PDE3A: variants seen among roughly 807,000 people sequenced by gnomAD.
PDE3A encodes the protein cGMP-inhibited 3',5'-cyclic phosphodiesterase 3A.
In PDE3A, 43 loss-of-function variants were observed where a neutral mutation model predicts 98.3. The ratio of observed to expected loss-of-function variants is 0.44; its 90% CI spans 0.34 to 0.56. The LOEUF (loss-of-function observed/expected upper bound fraction) is 0.56, where lower values mean the gene tolerates loss of function less well. Among genes scored for constraint, PDE3A ranks in the 20% least tolerant of loss-of-function variants. The pLI is 0.01. For synonymous variants in PDE3A, 663 were observed against 567.9 expected (o/e 1.17, Z -2.38); for missense variants, 1,427 against 1,440.7 (o/e 0.99, Z 0.15).
intron 1 of PDE3A, among the ~76,000 whole-genome samples, chr12:20,481,103 CT>C (rs1356260316): frequency 3.3e-5 from 5 of 152,096 alleles, no homozygotes; most frequent in Non-Finnish European, 7.4e-5. Context: ...GTTGTTGTTT[CT>C]ATGAAAACTT....
intron 1 of PDE3A, among the ~76,000 whole-genome samples, chr12:20,427,030 G>A (rs1034005596): frequency 6.6e-6 from 1 of 152,158 alleles, no homozygotes; most frequent in Admixed American, 6.5e-5. Flanking sequence ...ATTCAGTCTA[G>A]TTTTGAAATC....
At chr12:20,636,816 T>C (rs1402700480) in intron 8 of PDE3A, among the ~76,000 whole-genome samples, 1 of 152,206 alleles carries the variant, frequency 6.6e-6, no homozygotes, top group African/African-American at 2.4e-5. Context: ...TACTAACTTA[T>C]AGAAGAAACA....
chr12:20,431,827 A>T (rs1304077572), intron 1 of PDE3A, among the ~76,000 whole-genome samples: 1 of 152,230 alleles, frequency 6.6e-6, no homozygotes, highest in Non-Finnish European at 1.5e-5. Context: ...CTTTTGAAAG[A>T]AAATAGGTTC....
At chr12:20,476,302 A>C (rs1945530073) in intron 1 of PDE3A, among the ~76,000 whole-genome samples, 3 of 152,234 alleles carry the variant, frequency 2.0e-5, no homozygotes, top group Admixed American at 2.0e-4. Flanking sequence ...ATCTATGCCA[A>C]GTGGCAAAAA....
Position 20,519,100 on chromosome 12 carries a change from G to A in PDE3A, c.961-37560G>A, listed in dbSNP as rs113527618. Among the ~76,000 whole-genome samples, 414 of 152,274 alleles carry A rather than the reference G, an allele frequency of 2.7e-3. 6 individuals are homozygous for A. The highest frequency in any genetic ancestry group is 0.01 in the Middle Eastern group (3 of 294). On this transcript the variant is annotated intron_variant, in intron 1 of 15. Coordinates refer to ENST00000359062, the MANE Select transcript of PDE3A (RefSeq NM_000921.5). ...AGGAAGTATATGATTATGTAGTGTT[G>A]TAGTTTATGTGACTAAATGTGGCTC...
chr12:20,551,276 T>C (rs1344050733), intron 1 of PDE3A, among the ~76,000 whole-genome samples: 1 of 152,108 alleles, frequency 6.6e-6, no homozygotes, highest in Non-Finnish European at 1.5e-5. Flanking sequence ...GTAAGAACCC[T>C]TGATATCTTG....
chr12:20,615,723 GTATTTATT>G (rs150924685), intron 3 of PDE3A, among the ~76,000 whole-genome samples: 2,198 of 151,962 alleles, frequency 0.014, 67 homozygotes, highest in African/African-American at 0.049. Context: ...GGTTGGTTAT[GTATTTATT>G]TATTTATTTA....
At chr12:20,575,951 C>T (rs926559132) in intron 2 of PDE3A, among the ~76,000 whole-genome samples, 4 of 151,790 alleles carry the variant, frequency 2.6e-5, no homozygotes, top group African/African-American at 4.8e-5. Flanking sequence ...ACACAAAGAA[C>T]TTACACCTAA....
chr12:20,637,550 C>T (rs115226715), intron 9 of PDE3A, among the ~76,000 whole-genome samples: 1,681 of 152,132 alleles, frequency 0.011, 31 homozygotes, highest in African/African-American at 0.037. Flanking sequence ...CTGACACAAG[C>T]CTCTAAAAGA....
At chr12:20,376,556 C>T (rs554214651) in intron 1 of PDE3A, among the ~76,000 whole-genome samples, 12 of 152,042 alleles carry the variant, frequency 7.9e-5, no homozygotes, top group South Asian at 4.1e-4. Flanking sequence ...ATCAGTTGCA[C>T]TGAAAAGTCT....
chr12:20,416,816 C>T (rs1337017256), intron 1 of PDE3A, among the ~76,000 whole-genome samples: 1 of 152,132 alleles, frequency 6.6e-6, no homozygotes, highest in Non-Finnish European at 1.5e-5. Context: ...ATGGACTATA[C>T]TACTTGGTCA....
Position 20,546,028 on chromosome 12 carries a change from C to T in PDE3A, c.961-10632C>T, listed in dbSNP as rs140494572. Among the ~76,000 whole-genome samples the T allele has an allele frequency of 5.4e-3, 827 of 152,068 alleles. 1 individual carries two copies. Among genetic ancestry groups the T allele is most frequent in the Non-Finnish European group, 8.7e-3 (592 of 67,930 alleles). ...TAATAGAGGTATTGTGTTTATGAGA[C>T]TGTGGCTGCTAGTCACATCTGTTTT... On this transcript the variant is annotated intron_variant, in intron 1 of 15. Transcript: ENST00000359062.
rs7964099 is a variant in PDE3A at position 20,611,166 on chromosome 12, A to T, written c.1012-2277A>T. 5.3e-5 allele frequency among the ~76,000 whole-genome samples: 8 copies of T among 151,700 alleles called. No individual in the cohort carries two copies. In the South Asian group the frequency reaches 1.7e-3, roughly 31 times the overall value. On this transcript the variant is annotated intron_variant, in intron 2 of 15. Coordinates refer to ENST00000359062, the MANE Select transcript of PDE3A (RefSeq NM_000921.5). ...GTTGTAAGCCTCAAGTATACACAAT[A>T]CAAATTATTTTTAAAATAAGTAAAT...
chr12:20,520,888 C>A (rs1657622304), intron 1 of PDE3A, among the ~76,000 whole-genome samples: 1 of 152,148 alleles, frequency 6.6e-6, no homozygotes, highest in South Asian at 2.1e-4. Context: ...GGGACTCATG[C>A]TGCAAAGGGG....
At chr12:20,645,971 A>G (rs1241301072) in intron 10 of PDE3A, among the ~76,000 whole-genome samples, 3 of 152,196 alleles carry the variant, frequency 2.0e-5, no homozygotes, top group Non-Finnish European at 4.4e-5. Context: ...TTGCTTGTGG[A>G]TGAAATCTAC....
rs73238404 is a variant in PDE3A at position 20,644,813 on chromosome 12, C to A, written c.2252-1677C>A. ...CTCCTCAGGAGGCTAGGATTTGAGC[C>A]TCCTCCTCCTCCTCCTTCCCCTCCT... On this transcript the variant is annotated intron_variant, in intron 10 of 15. Coordinates refer to ENST00000359062, the MANE Select transcript of PDE3A (RefSeq NM_000921.5). Among the ~76,000 whole-genome samples the A allele has an allele frequency of 4.1e-5, 6 of 147,152 alleles. No individual in the cohort carries two copies. In the East Asian group the frequency reaches 8.3e-4, roughly 20 times the overall value.
Position 20,680,538 on chromosome 12 carries a change from C to T in PDE3A, c.*267C>T, listed in dbSNP as rs1226414125. ...TATATGTGTGTGTGTATATAAGCTCCCACATAGATACATGTAAAACATATT... is the reference window on the plus strand; with the variant it reads ...TATATGTGTGTGTGTATATAAGCTCTCACATAGATACATGTAAAACATATT... On this transcript the variant is annotated 3_prime_UTR_variant, in exon 16 of 16. Transcript: ENST00000359062. 5.5e-6 allele frequency: 2 copies of T among 365,498 alleles called. No homozygotes were observed. Among genetic ancestry groups the T allele is most frequent in the Non-Finnish European group, 1.0e-5 (2 of 199,132 alleles). The allele number at this position is 365,498 out of a possible 1,614,324, so 22.6% of individuals were successfully genotyped here.
chr12:20,484,481 G>A (rs759581030), intron 1 of PDE3A, among the ~76,000 whole-genome samples: 116 of 152,236 alleles, frequency 7.6e-4, no homozygotes, highest in Non-Finnish European at 1.4e-3. Context: ...GATTTTTGGC[G>A]TATCTGTGAT....
At chr12:20,394,221 A>G (rs550354127) in intron 1 of PDE3A, among the ~76,000 whole-genome samples, 1 of 152,166 alleles carries the variant, frequency 6.6e-6, no homozygotes, top group Admixed American at 6.6e-5. Context: ...TTTGACTTTA[A>G]TTACTGGTAT....
Sources: gnomAD v4.1 joint callset for allele counts (sites outside exome capture counted in the v4.1 genomes callset) on GRCh38, gnomAD v4.1.1 for gene constraint, MANE v1.5 for transcripts, NCBI Gene and HGNC (gene_info 2026-07-23, HGNC 2026-07-21) for gene names.